CTNND2: variants seen among roughly 807,000 people sequenced by gnomAD.
CTNND2 encodes the protein catenin delta-2.
Under a neutral mutation model 144.4 loss-of-function variants are expected in CTNND2, and 22 were observed. The observed-to-expected ratio is 0.15, with a 90% confidence interval of 0.11 to 0.22. The LOEUF is 0.22. Among genes scored for constraint, CTNND2 ranks in the 10% least tolerant of loss-of-function variants. The pLI, the probability that CTNND2 is intolerant of heterozygous loss-of-function variation, is 1.00. For synonymous variants in CTNND2, 751 were observed against 695.6 expected (o/e 1.08, Z -1.25); for missense variants, 1,353 against 1,618.8 (o/e 0.84, Z 2.82).
At chr5:11,416,161 G>A (rs1370659056) in intron 3 of CTNND2, among the ~76,000 whole-genome samples, 2 of 152,120 alleles carry the variant, frequency 1.3e-5, no homozygotes, top group South Asian at 2.1e-4. Flanking sequence ...CAAATAAGGT[G>A]GTGCCGATTT....
At chr5:11,413,065 AT>A (rs2149839595) in intron 3 of CTNND2, among the ~76,000 whole-genome samples, 1 of 152,316 alleles carries the variant, frequency 6.6e-6, no homozygotes, top group South Asian at 2.1e-4. Flanking sequence ...AGAGTAGTCC[AT>A]TAAGAGACAT....
chr5:11,901,614 C>G (rs1023195729), intron 1 of CTNND2, among the ~76,000 whole-genome samples: 1 of 152,182 alleles, frequency 6.6e-6, no homozygotes, highest in Admixed American at 6.5e-5. Flanking sequence ...TACAACTACA[C>G]AAACGTACAC....
intron 19 of CTNND2, among the ~76,000 whole-genome samples, chr5:10,992,107 G>A (rs978730711): frequency 2.0e-5 from 3 of 152,032 alleles, no homozygotes; most frequent in South Asian, 4.1e-4. Flanking sequence ...TACTAGAGAC[G>A]GGGTTTCACC....
chr5:11,309,080 T>A (rs764217194), intron 9 of CTNND2, among the ~76,000 whole-genome samples: 4 of 152,188 alleles, frequency 2.6e-5, no homozygotes, highest in East Asian at 3.8e-4. Flanking sequence ...TCTTCCAACA[T>A]TGGGGATTCG....
intron 2 of CTNND2, among the ~76,000 whole-genome samples, chr5:11,723,970 G>A (rs1406053027): frequency 1.3e-5 from 2 of 151,940 alleles, no homozygotes; most frequent in Non-Finnish European, 2.9e-5. Flanking sequence ...CAGAAGAATG[G>A]TGTGAACCCG....
chr5:11,411,884 A>G, intron 4 of CTNND2, 151 bp downstream of exon 4: 1 of 717,292 alleles, frequency 1.4e-6, no homozygotes. Context: ...AACTCTCAAT[A>G]AATTGTGAAC....
At chr5:11,623,862 A>G (rs1410944449) in intron 2 of CTNND2, among the ~76,000 whole-genome samples, 2 of 138,906 alleles carry the variant, frequency 1.4e-5, no homozygotes, top group African/African-American at 5.2e-5. Context: ...ATGCACCAAA[A>G]AAGGAGCAGC....
intron 1 of CTNND2, among the ~76,000 whole-genome samples, chr5:11,838,471 C>G (rs147717989): frequency 1.3e-5 from 2 of 152,134 alleles, no homozygotes; most frequent in African/African-American, 4.8e-5. Context: ...TGAATCCCAG[C>G]CTTTTTATGA....
At chr5:11,115,098 T>C (rs1490151602) in intron 13 of CTNND2, among the ~76,000 whole-genome samples, 1 of 152,210 alleles carries the variant, frequency 6.6e-6, no homozygotes, top group Non-Finnish European at 1.5e-5. Context: ...CTCAGGGCTC[T>C]TCTTACTCCA....
In CTNND2 at chr5:11,403,841, G is replaced by T. The variant is rs114973972; in HGVS notation, c.440-6638C>A. 6.4e-3 allele frequency among the ~76,000 whole-genome samples: 981 copies of T among 152,300 alleles called. 12 individuals are homozygous for T. Among genetic ancestry groups the T allele is most frequent in the Middle Eastern group, 0.02 (6 of 294 alleles). Reference sequence around the variant, plus strand: ...GGGAACATAGCAGTTTAAAGAACCAGTCTTTGATTTGTGACACATCACACA... The same window carrying T: ...GGGAACATAGCAGTTTAAAGAACCATTCTTTGATTTGTGACACATCACACA... On this transcript the variant is annotated intron_variant, in intron 5 of 21. Coordinates refer to ENST00000304623, the MANE Select transcript of CTNND2 (RefSeq NM_001332.4).
chr5:11,517,632 G>C (rs954530057), intron 3 of CTNND2, among the ~76,000 whole-genome samples: 1 of 151,540 alleles, frequency 6.6e-6, no homozygotes, highest in Non-Finnish European at 1.5e-5. Flanking sequence ...GGGTGTAGGG[G>C]GCAAGGGGAG....
chr5:10,985,295 T>G (rs1270314290), intron 20 of CTNND2, among the ~76,000 whole-genome samples: 1 of 152,162 alleles, frequency 6.6e-6, no homozygotes, highest in African/African-American at 2.4e-5. Context: ...TTCCCAGGCA[T>G]GCAGGGCTGC....
In CTNND2 at chr5:11,697,859, G is replaced by A. The variant is rs551154789; in HGVS notation, c.174+34277C>T. Among the ~76,000 whole-genome samples the A allele has an allele frequency of 1.5e-3, 234 of 152,226 alleles. 1 individual carries two copies. The highest frequency in any genetic ancestry group is 5.3e-3 in the African/African-American group (220 of 41,506). On this transcript the variant is annotated intron_variant, in intron 2 of 21. Coordinates refer to ENST00000304623, the MANE Select transcript of CTNND2 (RefSeq NM_001332.4). ...TAAACTGCAGCCTAAAGGACGGGAA[G>A]GCATCAATTATGAAAAAAGGCAAAC...
chr5:11,337,622 GAAGT>G (rs1473746667), intron 9 of CTNND2, among the ~76,000 whole-genome samples: 2 of 152,086 alleles, frequency 1.3e-5, no homozygotes, highest in African/African-American at 2.4e-5. Context: ...CACGAAAGAG[GAAGT>G]AATACAAATT....
intron 9 of CTNND2, among the ~76,000 whole-genome samples, chr5:11,244,044 TAG>T (rs1742728745): frequency 1.3e-5 from 2 of 152,192 alleles, no homozygotes; most frequent in African/African-American, 4.8e-5. Context: ...CTTTCATATT[TAG>T]AGTCAAGAGG....
rs116725335 is a variant in CTNND2, at chr5:11,562,658, T to C, written c.287+2286A>G. The stretch of plus-strand genomic sequence containing the variant: ...AGATTTAAGACAGATTTATTGATTA[T>C]ATATCATAAGCTGTAAGCTAGACAT... On this transcript the variant is annotated intron_variant, in intron 3 of 21. Transcript: ENST00000304623. Among the ~76,000 whole-genome samples the C allele has an allele frequency of 9.8e-3, 1,497 of 152,352 alleles. 10 individuals are homozygous for C. The highest frequency in any genetic ancestry group is 0.015 in the Non-Finnish European group (1,013 of 68,028).
intron 8 of CTNND2, among the ~76,000 whole-genome samples, chr5:11,349,861 C>A (rs1488518909): frequency 6.6e-6 from 1 of 152,168 alleles, no homozygotes; most frequent in Non-Finnish European, 1.5e-5. Context: ...AACTAATCTA[C>A]ACTATTTCTC....
chr5:11,264,827 A>G (rs1745276107), intron 9 of CTNND2, among the ~76,000 whole-genome samples: 2 of 152,150 alleles, frequency 1.3e-5, no homozygotes, highest in Admixed American at 6.5e-5. Context: ...ATTACACAGG[A>G]GGCTGAAATG....
intron 1 of CTNND2, among the ~76,000 whole-genome samples, chr5:11,888,912 C>G (rs1223585574): frequency 6.6e-6 from 1 of 151,962 alleles, no homozygotes; most frequent in African/African-American, 2.4e-5. Flanking sequence ...CCACCATGCC[C>G]AGCTAATTTT....
Sources: gnomAD v4.1 joint callset for allele counts (sites outside exome capture counted in the v4.1 genomes callset) on GRCh38, gnomAD v4.1.1 for gene constraint, MANE v1.5 for transcripts, NCBI Gene and HGNC (gene_info 2026-07-23, HGNC 2026-07-21) for gene names.